Variants in KCNJ15 observed in about 807,000 individuals in gnomAD.
KCNJ15 encodes potassium inwardly rectifying channel subfamily J member 15, also known as ATP-sensitive inward rectifier potassium channel 15.
KCNJ15 carries 14 observed loss-of-function variants against 23.0 expected under a neutral mutation model. The observed-to-expected ratio is 0.61, with a 90% CI of 0.40 to 0.95. The LOEUF is 0.95. Among genes scored for constraint, KCNJ15 ranks in the 40% least tolerant of loss-of-function variants. The pLI is 0.00. For missense variants in KCNJ15, 388 were observed against 461.8 expected, an observed-to-expected ratio of 0.84 and a Z score of 1.46; for synonymous variants, 185 against 183.2, an observed-to-expected ratio of 1.01 and a Z score of -0.08.
intron 1 of KCNJ15, among the ~76,000 whole-genome samples, chr21:38,250,747 A>G (rs750239451): frequency 1.1e-4 from 17 of 152,266 alleles, no homozygotes; most frequent in Non-Finnish European, 2.2e-4. Flanking sequence ...TCAAGCACCA[A>G]TTGACCAATT....
At chr21:38,238,308 G>A in intron 1 of KCNJ15, 1 of 714,428 alleles carries the variant, frequency 1.4e-6, no homozygotes, top group Non-Finnish European at 2.6e-6. Context: ...CATACGCAGT[G>A]GCCTGGTCTT....
chr21:38,285,539 A>C (rs1983795190), intron 1 of KCNJ15: 1 of 151,944 alleles, frequency 6.6e-6, no homozygotes, highest in Non-Finnish European at 1.5e-5. Flanking sequence ...AGAATTGTTT[A>C]ATTTTTTTTA....
chr21:38,269,338 TTA>T (rs1210712945), intron 1 of KCNJ15, among the ~76,000 whole-genome samples: 1 of 152,184 alleles, frequency 6.6e-6, no homozygotes, highest in Admixed American at 6.5e-5. Context: ...ATAAAAGGCG[TTA>T]TACCCTATAG....
At chr21:38,284,712 C>T (rs1265214733) in intron 1 of KCNJ15, among the ~76,000 whole-genome samples, 1 of 152,180 alleles carries the variant, frequency 6.6e-6, no homozygotes, top group Non-Finnish European at 1.5e-5. Flanking sequence ...GCCCACAAAG[C>T]CACATGCAGG....
At chr21:38,289,732 CAAAAAAGA>C (rs1388932014) in intron 1 of KCNJ15, among the ~76,000 whole-genome samples, 1 of 151,818 alleles carries the variant, frequency 6.6e-6, no homozygotes, top group African/African-American at 2.4e-5. Flanking sequence ...GACTCCATCT[CAAAAAAGA>C]AAAAAAGAAA....
chr21:38,239,300 G>A (rs715080), intron 1 of KCNJ15, among the ~76,000 whole-genome samples: 70,226 of 151,926 alleles, frequency 0.46, 17,030 homozygotes, highest in East Asian at 0.86. Context: ...GTTTGACCAC[G>A]ACAAGGTCAC....
intron 1 of KCNJ15, among the ~76,000 whole-genome samples, chr21:38,295,100 T>C (rs1189315563): frequency 6.6e-6 from 1 of 152,242 alleles, no homozygotes; most frequent in Non-Finnish European, 1.5e-5. Context: ...CTGGCAGCAC[T>C]TGAGGCTGCA....
intron 1 of KCNJ15, chr21:38,272,387 G>A (rs2123649285): frequency 6.6e-6 from 1 of 152,582 alleles, no homozygotes; most frequent in East Asian, 1.9e-4. Flanking sequence ...GCAAGCTGGG[G>A]TGGAGAGTGT....
chr21:38,256,151 A>G (rs1220820126), upstream of KCNJ15, among the ~76,000 whole-genome samples: 2 of 151,934 alleles, frequency 1.3e-5, no homozygotes, highest in South Asian at 2.1e-4. Context: ...TTTGCATAGG[A>G]TGGACATATA....
intron 1 of KCNJ15, among the ~76,000 whole-genome samples, chr21:38,262,274 A>G (rs2836255): frequency 0.33 from 50,654 of 152,204 alleles, 10,845 homozygotes; most frequent in Non-Finnish European, 0.5. Flanking sequence ...TAAAGAAAAT[A>G]TAATGAATCC....
At chr21:38,284,574 T>C (rs1330041466) in intron 1 of KCNJ15, among the ~76,000 whole-genome samples, 1 of 152,206 alleles carries the variant, frequency 6.6e-6, no homozygotes, top group Admixed American at 6.5e-5. Flanking sequence ...TTTGACTCTT[T>C]CCAATACATT....
At chr21:38,239,503 G>C (rs981686241) in intron 1 of KCNJ15, among the ~76,000 whole-genome samples, 3 of 151,908 alleles carry the variant, frequency 2.0e-5, no homozygotes, top group African/African-American at 7.3e-5. Context: ...TTATTCTCTT[G>C]ATGAGCTTCA....
At chr21:38,229,961 C>G (rs1988687104) in intron 1 of KCNJ15, among the ~76,000 whole-genome samples, 2 of 152,258 alleles carry the variant, frequency 1.3e-5, no homozygotes, top group South Asian at 4.1e-4. Flanking sequence ...TGGGTTGCAT[C>G]CACTTTTTGG....
At chr21:38,265,060 A>G (rs1264388373) in intron 1 of KCNJ15, among the ~76,000 whole-genome samples, 2 of 152,240 alleles carry the variant, frequency 1.3e-5, no homozygotes, top group Non-Finnish European at 2.9e-5. Flanking sequence ...GATTTGATCC[A>G]TGGAGCAGCA....
chr21:38,273,123 C>T (rs1336247687), intron 1 of KCNJ15, among the ~76,000 whole-genome samples: 1 of 152,146 alleles, frequency 6.6e-6, no homozygotes, highest in Non-Finnish European at 1.5e-5. Context: ...AGTACACATA[C>T]TGAGGTTTCT....
intron 1 of KCNJ15, 96 bp downstream of exon 1, chr21:38,257,281 T>C (rs1249361486): frequency 2.6e-5 from 4 of 152,200 alleles, no homozygotes; most frequent in African/African-American, 7.2e-5. Context: ...GAAAGCGTTG[T>C]GATTCTTTTA....
intron 1 of KCNJ15, chr21:38,238,443 G>A (rs1467835662): frequency 6.0e-6 from 4 of 669,316 alleles, no homozygotes; most frequent in African/African-American, 1.8e-5. Flanking sequence ...CCAGAACTTT[G>A]GTGTCCTTGG....
intron 1 of KCNJ15, among the ~76,000 whole-genome samples, chr21:38,288,282 CCGCCT>C (rs1984196616): frequency 6.6e-6 from 1 of 151,804 alleles, no homozygotes; most frequent in African/African-American, 2.4e-5. Flanking sequence ...ACCTTGTGAT[CCGCCT>C]GCCTCGGCGT....
chr21:38,268,170 T>TA (rs1359927415), intron 1 of KCNJ15, among the ~76,000 whole-genome samples: 1 of 152,224 alleles, frequency 6.6e-6, no homozygotes, highest in African/African-American at 2.4e-5. Flanking sequence ...GTTTCAAGTT[T>TA]ATCCTTTCAT....
Sources: allele counts gnomAD v4.1 joint callset (sites outside exome capture counted in the v4.1 genomes callset), GRCh38; gene constraint gnomAD v4.1.1; transcripts MANE v1.5; gene names NCBI Gene and HGNC (gene_info 2026-07-23, HGNC 2026-07-21).